ANO2: variants seen among roughly 807,000 people sequenced by gnomAD.
ANO2 encodes the protein anoctamin-2.
A neutral mutation model predicts 124.2 loss-of-function variants in ANO2; 101 were observed. That is an observed-to-expected ratio of 0.81 (90% CI 0.69 to 0.96). The LOEUF (loss-of-function observed/expected upper bound fraction) is 0.96. ANO2 is among the 40% of genes least tolerant of loss of function. The probability of loss-of-function intolerance (pLI) is 0.00; values close to 1 mark genes in which losing one functional copy is unlikely to be tolerated. For missense variants in ANO2, 1,293 were observed against 1,274.5 expected, an observed-to-expected ratio of 1.01 and a Z score of -0.22; for synonymous variants, 486 against 482.5, an observed-to-expected ratio of 1.01 and a Z score of -0.09.
At chr12:5,910,947 A>G (rs952809535) in intron 3 of ANO2, among the ~76,000 whole-genome samples, 5 of 152,156 alleles carry the variant, frequency 3.3e-5, no homozygotes, top group African/African-American at 4.8e-5. Context: ...CCTGAGGGTG[A>G]GTTCTTCCTG....
intron 19 of ANO2, among the ~76,000 whole-genome samples, chr12:5,604,736 C>A (rs1435759336): frequency 6.6e-6 from 1 of 151,512 alleles, no homozygotes; most frequent in Non-Finnish European, 1.5e-5. Context: ...ATCCCAGTGA[C>A]CATTAAAAAA....
intron 14 of ANO2, among the ~76,000 whole-genome samples, chr12:5,693,275 G>A (rs1231544008): frequency 2.0e-5 from 3 of 152,196 alleles, no homozygotes; most frequent in Non-Finnish European, 2.9e-5. Context: ...AATACCTGAT[G>A]TCTTCCCTCA....
chr12:5,627,977 G>A (rs954437401), intron 16 of ANO2, among the ~76,000 whole-genome samples: 1 of 152,060 alleles, frequency 6.6e-6, no homozygotes, highest in Non-Finnish European at 1.5e-5. Context: ...GCACACACCA[G>A]TAGTCCCAGC....
At position 5,922,753 on chromosome 12, in the gene ANO2, G is replaced by T. The variant is rs1292175997; in HGVS notation, c.74C>A (p.Ser25Tyr). The change falls in exon 2 of 25, where the codon TCC becomes TAC. Residue 25 changes from serine (S) to tyrosine (Y), a missense_variant. Coordinates refer to ENST00000682330, the MANE Select transcript of ANO2 (RefSeq NM_001364791.2). The stretch of plus-strand genomic sequence containing the variant: ...ATGTTTGGGGCCCTGGCCCCCTCTG[G>T]ACCCTGCCTGAGGGCTCAGCCGGCG... ...SPRRLSPQAG[S>Y]RGGQGPKHGQ... 1 of 1,580,584 alleles carries T rather than the reference G, an allele frequency of 6.3e-7. No individual in the cohort carries two copies.
At chr12:5,940,603 T>C (rs1192680864) in intron 1 of ANO2, among the ~76,000 whole-genome samples, 1 of 152,126 alleles carries the variant, frequency 6.6e-6, no homozygotes, top group Non-Finnish European at 1.5e-5. Flanking sequence ...ATGGCTATAA[T>C]AAAAAGATGA....
intron 10 of ANO2, among the ~76,000 whole-genome samples, chr12:5,767,916 T>C (rs1333385988): frequency 6.6e-6 from 1 of 152,148 alleles, no homozygotes; most frequent in Non-Finnish European, 1.5e-5. Context: ...CCCTTCCTTG[T>C]TCCACCCCAG....
At chr12:5,702,902 G>T (rs1681077672) in intron 14 of ANO2, among the ~76,000 whole-genome samples, 1 of 152,206 alleles carries the variant, frequency 6.6e-6, no homozygotes, top group Non-Finnish European at 1.5e-5. Flanking sequence ...AGAATTTTCA[G>T]ACAGTGCTGA....
intron 5 of ANO2, among the ~76,000 whole-genome samples, chr12:5,831,511 C>T (rs1396254550): frequency 2.0e-5 from 3 of 152,312 alleles, no homozygotes; most frequent in Admixed American, 2.0e-4. Flanking sequence ...AGCTCAGCCA[C>T]TTAGGGCGGT....
At chr12:5,620,235 G>A (rs959060259) in intron 16 of ANO2, among the ~76,000 whole-genome samples, 3 of 152,228 alleles carry the variant, frequency 2.0e-5, no homozygotes, top group Non-Finnish European at 4.4e-5. Context: ...TGTAGATACA[G>A]TAGTAAAACA....
At chr12:5,816,501 C>T (rs1953615034) in intron 7 of ANO2, among the ~76,000 whole-genome samples, 1 of 152,110 alleles carries the variant, frequency 6.6e-6, no homozygotes, top group South Asian at 2.1e-4. Flanking sequence ...TCAGTGGCTA[C>T]TGTGAAGTTA....
In ANO2 at chr12:5,888,048, G is replaced by A. The variant is rs569203078; in HGVS notation, c.534+32992C>T. 3.3e-5 allele frequency among the ~76,000 whole-genome samples: 5 copies of A among 152,218 alleles called. No individual in the cohort carries two copies. In the East Asian group the frequency reaches 7.7e-4, roughly 24 times the overall value. On this transcript the variant is annotated intron_variant, in intron 3 of 24. Coordinates refer to ENST00000682330, the MANE Select transcript of ANO2 (RefSeq NM_001364791.2). ...TCACTGACTTCAAGAATGAAGCCGCGGACCCTCGCAGTGAGTGTTACAGTT... is the reference window on the plus strand; with the variant it reads ...TCACTGACTTCAAGAATGAAGCCGCAGACCCTCGCAGTGAGTGTTACAGTT...
chr12:5,825,500 G>A (rs553762655), intron 7 of ANO2, among the ~76,000 whole-genome samples: 2 of 152,228 alleles, frequency 1.3e-5, no homozygotes, highest in Admixed American at 6.5e-5. Context: ...ACAGCATTAC[G>A]TTCTGCTGGC....
chr12:5,900,382 C>T lies in ANO2; in HGVS notation c.534+20658G>A, dbSNP rs749571849. Among the ~76,000 whole-genome samples, 3 of 152,114 alleles carry T rather than the reference C, an allele frequency of 2.0e-5. No individual in the cohort carries two copies. The highest frequency in any genetic ancestry group is 4.4e-5 in the Non-Finnish European group (3 of 68,030). Reference sequence around the variant, plus strand: ...TCACGAGAGATTTCACTTTCCATGCCCAGTGTTTAGCACCCATCTAGAGGG... The same window carrying T: ...TCACGAGAGATTTCACTTTCCATGCTCAGTGTTTAGCACCCATCTAGAGGG... On this transcript the variant is annotated intron_variant, in intron 3 of 24. Transcript: ENST00000682330. This position sits in a 1 kb window ranked among gnomAD's most constrained non-coding sequence, Gnocchi z 4.2.
At chr12:5,703,546 A>G (rs1043866915) in intron 14 of ANO2, among the ~76,000 whole-genome samples, 1 of 151,620 alleles carries the variant, frequency 6.6e-6, no homozygotes, top group African/African-American at 2.4e-5. Context: ...TTTTATTTTT[A>G]TTTTTTTTGA....
chr12:5,849,285 G>A (rs943614681), intron 4 of ANO2, among the ~76,000 whole-genome samples: 15 of 152,200 alleles, frequency 9.9e-5, no homozygotes, highest in African/African-American at 3.1e-4. Flanking sequence ...CATGAAAGTC[G>A]TCCCTAATAG....
At chr12:5,844,618 G>A (rs1160619231) in intron 4 of ANO2, among the ~76,000 whole-genome samples, 1 of 152,262 alleles carries the variant, frequency 6.6e-6, no homozygotes, top group East Asian at 1.9e-4. Flanking sequence ...CTGTACGGGT[G>A]AGAAAGCTGT....
At position 5,680,371 on chromosome 12, in the gene ANO2, G is replaced by A. The variant is rs116813845; in HGVS notation, c.1546-32570C>T. Among the ~76,000 whole-genome samples, 547 of 152,236 alleles carry A rather than the reference G, an allele frequency of 3.6e-3. 6 individuals are homozygous for A. The highest frequency in any genetic ancestry group is 0.013 in the African/African-American group (521 of 41,548). Reference sequence around the variant, plus strand: ...CTATCTGGGACCTACAATTAAGAGGGATATTGAAAAAAAGGAAAGAGGGGC... The same window carrying A: ...CTATCTGGGACCTACAATTAAGAGGAATATTGAAAAAAAGGAAAGAGGGGC... On this transcript the variant is annotated intron_variant, in intron 14 of 24. Transcript: ENST00000682330.
rs968267149 is a variant in ANO2, at chr12:5,908,664, A to AGCT, written c.534+12373_534+12375dup. 2.0e-5 allele frequency among the ~76,000 whole-genome samples: 3 copies of AGCT among 152,216 alleles called. No individual in the cohort carries two copies. Among genetic ancestry groups the AGCT allele is most frequent in the African/African-American group, 7.2e-5 (3 of 41,456 alleles). On this transcript the variant is annotated intron_variant, in intron 3 of 24. Transcript: ENST00000682330. This position sits in a 1 kb window ranked among gnomAD's most constrained non-coding sequence, Gnocchi z 4.7. ...AATCATCATGGAACCCTCTGACTTT[A>AGCT]GCTAAGCTCCTGGGCAAGCCAAGAG...
chr12:5,727,979 T>C (rs535641133), intron 14 of ANO2, among the ~76,000 whole-genome samples: 1 of 152,234 alleles, frequency 6.6e-6, no homozygotes, highest in Admixed American at 6.5e-5. Context: ...GCTAATTTTT[T>C]GTATTTTTAG....
Sources: allele counts gnomAD v4.1 joint callset (sites outside exome capture counted in the v4.1 genomes callset), GRCh38; gene constraint gnomAD v4.1.1; non-coding constraint Gnocchi (gnomAD v3.1); transcripts MANE v1.5; gene names NCBI Gene and HGNC (gene_info 2026-07-23, HGNC 2026-07-21).